POLN: variants seen among roughly 807,000 people sequenced by gnomAD.
The protein encoded by POLN is DNA polymerase nu, also known as DNA polymerase N.
In POLN, 108 loss-of-function variants were observed where a neutral mutation model predicts 113.5. The ratio of observed to expected loss-of-function variants is 0.95; its 90% CI spans 0.81 to 1.12. The LOEUF (loss-of-function observed/expected upper bound fraction) is 1.12. Among genes scored for constraint, POLN ranks in the 50% most tolerant of loss-of-function variants. The probability of loss-of-function intolerance (pLI) is 0.00; values close to 1 mark genes in which losing one functional copy is unlikely to be tolerated. For missense variants in POLN, 1,097 were observed against 1,077.1 expected, an observed-to-expected ratio of 1.02 and a Z score of -0.26; for synonymous variants, 386 against 391.5, an observed-to-expected ratio of 0.99 and a Z score of 0.17.
At chr4:2,198,793 C>T in intron 5 of POLN, 76 bp from the exon 6 acceptor site, 2 of 1,361,114 alleles carry the variant, frequency 1.5e-6, no homozygotes, top group Admixed American at 5.2e-5. Flanking sequence ...TAAAATTAAG[C>T]AGAGAGAAAG....
intron 13 of POLN, among the ~76,000 whole-genome samples, chr4:2,168,073 AG>A (rs1732771961): frequency 6.6e-6 from 1 of 152,210 alleles, no homozygotes; most frequent in African/African-American, 2.4e-5. Context: ...CAAAACTTGA[AG>A]GGTTCATTAG....
At chr4:2,217,625 TG>T (rs1177966015) in intron 3 of POLN, among the ~76,000 whole-genome samples, 1 of 152,254 alleles carries the variant, frequency 6.6e-6, no homozygotes, top group African/African-American at 2.4e-5. Context: ...ATGACAGTTT[TG>T]TTTTTGAAAA....
intron 19 of POLN, among the ~76,000 whole-genome samples, chr4:2,113,055 C>T (rs976137614): frequency 9.9e-5 from 15 of 151,728 alleles, no homozygotes; most frequent in South Asian, 4.2e-4. Flanking sequence ...ACTATGCAGC[C>T]GTAAAAAATG....
intron 2 of POLN, among the ~76,000 whole-genome samples, chr4:2,239,349 T>C (rs1165207992): frequency 6.6e-6 from 1 of 152,200 alleles, no homozygotes; most frequent in Non-Finnish European, 1.5e-5. Context: ...TGAATCCAAG[T>C]ATATGTTACT....
chr4:2,193,053 C>T (rs1418027309), intron 7 of POLN, 151 bp downstream of exon 7: 1 of 556,764 alleles, frequency 1.8e-6, no homozygotes, highest in Non-Finnish European at 3.2e-6. Flanking sequence ...AACTTCCTCC[C>T]CATGCCTAGG....
intron 13 of POLN, among the ~76,000 whole-genome samples, chr4:2,160,171 C>T (rs1468590786): frequency 6.6e-6 from 1 of 152,220 alleles, no homozygotes; most frequent in Non-Finnish European, 1.5e-5. Context: ...AGTGATCTCT[C>T]ACTGTAGTTT....
intron 20 of POLN, among the ~76,000 whole-genome samples, chr4:2,092,734 T>C (rs866167522): frequency 5.3e-5 from 8 of 152,234 alleles, no homozygotes; most frequent in Admixed American, 1.3e-4. Flanking sequence ...CGTTCAGAGG[T>C]ATGTTATGTG....
At chr4:2,156,155 T>C (rs931639726) in intron 16 of POLN, among the ~76,000 whole-genome samples, 1 of 152,136 alleles carries the variant, frequency 6.6e-6, no homozygotes, top group East Asian at 1.9e-4. Context: ...TTTATAAATA[T>C]ATGTGCTTAG....
chr4:2,113,198 G>C lies in POLN; in HGVS notation c.1982+14915C>G, dbSNP rs529299734. On this transcript the variant is annotated intron_variant, in intron 19 of 25. Coordinates refer to ENST00000511885, the MANE Select transcript of POLN (RefSeq NM_181808.4). The stretch of plus-strand genomic sequence containing the variant: ...GGGAATTGAACAAAGAGAACACATG[G>C]ACACAGGAAGGGGAACATCACACAC... Among the ~76,000 whole-genome samples the C allele has an allele frequency of 1.3e-4, 17 of 129,574 alleles. No homozygotes were observed. In the South Asian group the frequency reaches 4.3e-3, roughly 33 times the overall value. The allele number at this position is 129,574 out of a possible 152,430, so 85.0% of individuals were successfully genotyped here.
chr4:2,164,536 C>T (rs1217109089), intron 13 of POLN, among the ~76,000 whole-genome samples: 2 of 145,982 alleles, frequency 1.4e-5, no homozygotes, highest in African/African-American at 5.1e-5. Context: ...GGTGTGGTGG[C>T]TCACGCCTGT....
chr4:2,223,345 C>T (rs965326624), intron 3 of POLN, among the ~76,000 whole-genome samples: 5 of 152,182 alleles, frequency 3.3e-5, no homozygotes, highest in African/African-American at 4.8e-5. Context: ...GCATTCCCAC[C>T]TGAGTTCCGC....
chr4:2,199,829 G>A (rs1317257260), intron 5 of POLN, among the ~76,000 whole-genome samples: 3 of 151,976 alleles, frequency 2.0e-5, no homozygotes, highest in South Asian at 2.1e-4. Context: ...CGCCCACCTT[G>A]CTCTCCCAAA....
intron 2 of POLN, among the ~76,000 whole-genome samples, chr4:2,234,765 C>CT: frequency 6.6e-6 from 1 of 152,142 alleles, no homozygotes; most frequent in South Asian, 2.1e-4. Context: ...ATGCTAAATG[C>CT]TTTGATTCAC....
At position 2,208,397 on chromosome 4, in the gene POLN, C is replaced by A. The variant is rs758107607; in HGVS notation, c.304G>T (p.Ala102Ser). Residue 102 changes from alanine to serine, a missense_variant, in exon 5 of 26, where the codon GCT (alanine) becomes TCT (serine). Coordinates refer to ENST00000511885, the MANE Select transcript of POLN (RefSeq NM_181808.4). ...CTGATGCTCTTCTGTTTTTGGTCAG[C>A]AGACAGCTGATCTGTGAGCCTGACA... is the stretch of plus-strand genomic sequence containing the variant. ...FSVRLTDQLS[A>S]DQKQKSISSL... is the part of the protein sequence containing the mutation. The A allele has an allele frequency of 4.3e-6, 7 of 1,612,552 alleles. No individual in the cohort carries two copies. In the South Asian group the frequency reaches 7.7e-5, roughly 18 times the overall value.
At chr4:2,076,217 C>G (rs1478313001) in intron 23 of POLN, 2 of 153,770 alleles carry the variant, frequency 1.3e-5, no homozygotes, top group Non-Finnish European at 2.9e-5. Flanking sequence ...GATTCAAGTG[C>G]AAGCACAAGG....
Position 2,213,132 on chromosome 4 carries a change from A to C in POLN, c.134-6T>G, listed in dbSNP as rs764275749. 300 of 1,567,180 alleles carry C rather than the reference A, an allele frequency of 1.9e-4. No individual in the cohort carries two copies. The highest frequency in any genetic ancestry group is 2.0e-5 in the Non-Finnish European group (23 of 1,154,756). ...CTTGTTTATCACTTCCATAGCTTTTAAAAACAACAAAAAAGAAACATGGGG... is the reference window on the plus strand; with the variant it reads ...CTTGTTTATCACTTCCATAGCTTTTCAAAACAACAAAAAAGAAACATGGGG... On this transcript the variant is annotated splice_polypyrimidine_tract_variant and splice_region_variant and intron_variant, in intron 3 of 25. Transcript: ENST00000511885.
intron 19 of POLN, among the ~76,000 whole-genome samples, chr4:2,110,617 C>T (rs1318054910): frequency 9.2e-5 from 14 of 152,262 alleles, no homozygotes; most frequent in African/African-American, 2.2e-4. Flanking sequence ...AACACCTCTA[C>T]GCAAATAAAC....
intron 18 of POLN, 41 bp downstream of exon 18, chr4:2,129,138 G>C: frequency 1.5e-6 from 2 of 1,353,092 alleles, no homozygotes; most frequent in Non-Finnish European, 2.1e-6. Context: ...CTAAACCTTT[G>C]AACCCTATGA....
intron 16 of POLN, among the ~76,000 whole-genome samples, chr4:2,138,795 G>C (rs193111885): frequency 6.6e-6 from 1 of 151,942 alleles, no homozygotes; most frequent in African/African-American, 2.4e-5. Flanking sequence ...CCAGCTACTC[G>C]GGAGGCTGAG....
Sources: allele counts gnomAD v4.1 joint callset (sites outside exome capture counted in the v4.1 genomes callset), GRCh38; gene constraint gnomAD v4.1.1; transcripts MANE v1.5; gene names NCBI Gene and HGNC (gene_info 2026-07-23, HGNC 2026-07-21).